The following MDN1 variants were observed in gnomAD, a reference collection of about 807,000 sequenced individuals.
The protein encoded by MDN1 is midasin.
A neutral mutation model predicts 669.2 loss-of-function variants in MDN1; 266 were observed. The observed-to-expected ratio is 0.40, with a 90% CI of 0.36 to 0.44. The LOEUF (loss-of-function observed/expected upper bound fraction) is 0.44, where lower values mean the gene tolerates loss of function less well. MDN1 is among the 20% of genes least tolerant of loss of function. MDN1 has a pLI of 1.00. For missense variants in MDN1, 5,940 were observed against 6,754.0 expected, an observed-to-expected ratio of 0.88 and a Z score of 4.22; for synonymous variants, 2,385 against 2,457.1, an observed-to-expected ratio of 0.97 and a Z score of 0.87.
rs377468650 is a variant in MDN1, at chr6:89,803,890, C to CTTTCTTTTTTT, written c.103-337_103-336insAAAAAAAGAAA. ...GCCACCGCGCCCGGCCTTTTCTTTTCTTTTCTTTTTTTTTTTTTTTTTTTT... is the reference window on the plus strand; with the variant it reads ...GCCACCGCGCCCGGCCTTTTCTTTTCTTTCTTTTTTTTTTTCTTTTTTTTTTTTTTTTTTTT... On this transcript the variant is annotated intron_variant, in intron 1 of 101. Coordinates refer to ENST00000369393, the MANE Select transcript of MDN1 (RefSeq NM_014611.3). Among the ~76,000 whole-genome samples, 54 of 93,176 alleles carry CTTTCTTTTTTT rather than the reference C, an allele frequency of 5.8e-4. 2 individuals are homozygous for CTTTCTTTTTTT. The highest frequency in any genetic ancestry group is 1.2e-3 in the Admixed American group (8 of 6,620). The allele number at this position is 93,176 out of a possible 152,430, so 61.1% of individuals were successfully genotyped here.
In MDN1 at chr6:89,648,091, A is replaced by G; in HGVS notation, c.16336T>C (p.Ser5446Pro). The stretch of plus-strand genomic sequence containing the variant: ...CAGAGACGTAGAATCTGGGACCCAG[A>G]GTAATCACTGAACTGCTCATGAAAT... ...HPFHEQFSDY[S>P]GSQILRLCKF... Residue 5446 changes from serine to proline, a missense_variant, in exon 99 of 102, where the codon TCT (serine) becomes CCT (proline). Physicochemically the swap from Ser to Pro is moderately conservative, Grantham distance 74. Transcript: ENST00000369393. 1 of 1,614,242 alleles carries G rather than the reference A, an allele frequency of 6.2e-7. No homozygotes were observed. The highest frequency in any genetic ancestry group is 8.5e-7 in the Non-Finnish European group (1 of 1,180,034).
intron 11 of MDN1, among the ~76,000 whole-genome samples, chr6:89,778,923 T>TAAA (rs774791769): frequency 6.9e-6 from 1 of 144,392 alleles, no homozygotes. Flanking sequence ...AATAAATAAA[T>TAAA]AAATAAATAA....
intron 32 of MDN1, among the ~76,000 whole-genome samples, chr6:89,739,925 A>T (rs1010044863): frequency 3.9e-5 from 6 of 152,218 alleles, no homozygotes; most frequent in Non-Finnish European, 8.8e-5. Flanking sequence ...CCATAAAACT[A>T]CAATAATAAC....
rs1562067466 is a variant in MDN1, at chr6:89,673,385, A to G, written c.13325T>C (p.Leu4442Ser). Residue 4442 changes from leucine (L) to serine (S), a missense_variant, in exon 80 of 102, where the codon TTG becomes TCG. Coordinates refer to ENST00000369393, the MANE Select transcript of MDN1 (RefSeq NM_014611.3). ...VSVHLQGLES[L>S]FILPGMEVEQ... ...AACCTCCATCCCTGGAAGAATGAAC[A>G]AGGACTCTAGGCCCTGCAAATGAAC... 1.2e-6 allele frequency: 2 copies of G among 1,614,198 alleles called. No homozygotes were observed.
intron 22 of MDN1, 84 bp downstream of exon 22, chr6:89,753,428 G>T: frequency 3.1e-6 from 3 of 956,578 alleles, no homozygotes; most frequent in South Asian, 1.5e-5. Flanking sequence ...AAAAAGTTAT[G>T]TGAAAAAAAA....
At chr6:89,701,833 T>C in intron 54 of MDN1, 71 bp downstream of exon 54, 1 of 1,542,794 alleles carries the variant, frequency 6.5e-7, no homozygotes. Flanking sequence ...AAGAAACAGT[T>C]TCGGTTCCAA....
At chr6:89,768,866 G>A (rs1208698398) in intron 15 of MDN1, among the ~76,000 whole-genome samples, 1 of 152,144 alleles carries the variant, frequency 6.6e-6, no homozygotes, top group Non-Finnish European at 1.5e-5. Context: ...GACCAGTCTG[G>A]GCAACATAGT....
At chr6:89,670,170 A>ATATATATATATAT (rs1444537561) in intron 83 of MDN1, among the ~76,000 whole-genome samples, 4 of 23,410 alleles carry the variant, frequency 1.7e-4, no homozygotes, top group African/African-American at 2.6e-4. Flanking sequence ...ATATATATAT[A>ATATATATATATAT]TTTTTTTTTT....
intron 99 of MDN1, 135 bp downstream of exon 99, chr6:89,647,897 G>T: frequency 1.5e-6 from 1 of 684,744 alleles, no homozygotes; most frequent in Non-Finnish European, 2.5e-6. Flanking sequence ...AAGCTATAGT[G>T]AGCTATGATG....
Position 89,685,989 on chromosome 6 carries a change from G to C in MDN1, c.11573-16C>G. The C allele has an allele frequency of 6.2e-7, 1 of 1,609,056 alleles. No individual in the cohort carries two copies. The highest frequency in any genetic ancestry group is 2.2e-5 in the East Asian group (1 of 44,846). ...TGTTTGTCATCTTTAAAAATTCAAA[G>C]AGAAAAATATATATGTTCCTTCGAC... On this transcript the variant is annotated splice_polypyrimidine_tract_variant and intron_variant, in intron 69 of 101. Transcript: ENST00000369393.
chr6:89,704,902 A>G (rs753173674), intron 53 of MDN1, among the ~76,000 whole-genome samples: 7 of 152,168 alleles, frequency 4.6e-5, no homozygotes, highest in Non-Finnish European at 1.0e-4. Context: ...TTTTAACACA[A>G]GAAGTTCACT....
chr6:89,756,633 G>C (rs1817262235), intron 19 of MDN1, among the ~76,000 whole-genome samples: 1 of 152,112 alleles, frequency 6.6e-6, no homozygotes, highest in Admixed American at 6.5e-5. Flanking sequence ...AGAAGAAAAA[G>C]ATACAAAAGC....
rs1330916576 is a variant in MDN1, at chr6:89,674,483, G to C, written c.12868C>G (p.Leu4290Val). 1 of 1,613,072 alleles carries C rather than the reference G, an allele frequency of 6.2e-7. No individual in the cohort carries two copies. Among genetic ancestry groups the C allele is most frequent in the Non-Finnish European group, 8.5e-7 (1 of 1,179,986 alleles). ...TGGCACTGCATGGCCAGGTGCTGCA[G>C]GCGCTCTGTCCACTGCTGCACGCCA... ...QDGVQQWTER[L>V]QHLAMQCQIL... is the part of the protein sequence containing the mutation. The change falls in exon 79 of 102, where the codon CTG becomes GTG. Residue 4290 changes from leucine (L) to valine (V), a missense_variant. This residue lies in a region of MDN1 where 2,280 missense variants were observed against 2,576.3 expected (regional missense o/e 0.88). Transcript: ENST00000369393.
Position 89,650,852 on chromosome 6 carries a change from G to T in MDN1, c.15916-5C>A. 3 of 1,611,688 alleles carry T rather than the reference G, an allele frequency of 1.9e-6. No individual in the cohort carries two copies. The South Asian group carries it at 3.3e-5, about 18-fold the overall frequency. On this transcript the variant is annotated splice_polypyrimidine_tract_variant and splice_region_variant and intron_variant, in intron 95 of 101. Coordinates refer to ENST00000369393, the MANE Select transcript of MDN1 (RefSeq NM_014611.3). The stretch of plus-strand genomic sequence containing the variant: ...CATCTCAGCTGCAACCTTCTCCTGT[G>T]ACAACAACAAAATGTAAGTTACCCT...
intron 9 of MDN1, among the ~76,000 whole-genome samples, chr6:89,784,656 G>A (rs773616098): frequency 6.6e-6 from 1 of 152,322 alleles, no homozygotes; most frequent in South Asian, 2.1e-4. Flanking sequence ...AAGTGTGAAA[G>A]ACATTACTTC....
At chr6:89,774,543 G>T in intron 13 of MDN1, 78 bp downstream of exon 13, 1 of 1,053,526 alleles carries the variant, frequency 9.5e-7, no homozygotes, top group Non-Finnish European at 1.5e-6. Context: ...TTTGCACAAA[G>T]ACAAGAGGCT....
Position 89,774,666 on chromosome 6 carries a change from C to T in MDN1, c.1889G>A (p.Arg630Gln), listed in dbSNP as rs943656699. The T allele has an allele frequency of 1.2e-6, 2 of 1,613,752 alleles. No homozygotes were observed. Among genetic ancestry groups the T allele is most frequent in the Non-Finnish European group, 1.7e-6 (2 of 1,179,732 alleles). ...VINELDLQVG[R>Q]VRLLRKQSEA... ...ACTTTGTTTCCGTAGAAGCCGCACT[C>T]GACCCACTTGCAAATCTAGCTCATT... The change falls in exon 13 of 102, where the codon CGA becomes CAA. Residue 630 changes from arginine (R) to glutamine (Q), a missense_variant. Physicochemically the swap from Arg to Gln is conservative, Grantham distance 43. Coordinates refer to ENST00000369393, the MANE Select transcript of MDN1 (RefSeq NM_014611.3).
In MDN1 at chr6:89,765,394, A is replaced by G. The variant is rs569177861; in HGVS notation, c.2145-2864T>C. On this transcript the variant is annotated intron_variant, in intron 15 of 101. Transcript: ENST00000369393. ...ACCAACGCAGTGGACTAGACAGTAG[A>G]TAAACTAGAACGACAACAGTGAAAA... is the stretch of plus-strand genomic sequence containing the variant. Among the ~76,000 whole-genome samples, 3 of 152,372 alleles carry G rather than the reference A, an allele frequency of 2.0e-5. No individual in the cohort carries two copies. The South Asian group carries it at 6.2e-4, about 32-fold the overall frequency.
intron 1 of MDN1, among the ~76,000 whole-genome samples, chr6:89,809,661 A>G (rs963655523): frequency 6.6e-6 from 1 of 151,830 alleles, no homozygotes; most frequent in African/African-American, 2.4e-5. Flanking sequence ...CTGTAGTCCC[A>G]GCTACTCGGG....
Sources: gnomAD v4.1 joint callset for allele counts (sites outside exome capture counted in the v4.1 genomes callset) on GRCh38, gnomAD v4.1.1 for gene constraint, gnomAD v4.1.1 regional missense constraint, MANE v1.5 for transcripts, NCBI Gene and HGNC (gene_info 2026-07-23, HGNC 2026-07-21) for gene names.